Variants in ARL13B observed in about 807,000 individuals in gnomAD.
The protein encoded by ARL13B is ADP-ribosylation factor-like protein 13B.
Under a neutral mutation model 56.1 loss-of-function variants are expected in ARL13B, and 36 were observed. The observed-to-expected ratio is 0.64, with a 90% CI of 0.49 to 0.85. The LOEUF is 0.85. Among genes scored for constraint, ARL13B ranks in the 40% least tolerant of loss-of-function variants. ARL13B has a pLI of 0.00. For missense variants in ARL13B, 519 were observed against 507.1 expected (o/e 1.02, Z -0.23); for synonymous variants, 178 against 171.1 (o/e 1.04, Z -0.32).
chr3:94,045,263 G>A (rs896740039), intron 7 of ARL13B, among the ~76,000 whole-genome samples: 10 of 151,978 alleles, frequency 6.6e-5, no homozygotes, highest in South Asian at 2.1e-4. Context: ...ATTAAGAGTC[G>A]TCACCACTCC....
At chr3:94,053,053 G>C in intron 9 of ARL13B, 134 bp from the exon 10 acceptor site, 1 of 734,416 alleles carries the variant, frequency 1.4e-6, no homozygotes, top group East Asian at 2.7e-5. Flanking sequence ...CTTTTAGAGA[G>C]GCATGTCAAG....
intron 1 of ARL13B, among the ~76,000 whole-genome samples, chr3:93,991,808 T>C (rs1305715268): frequency 1.3e-5 from 2 of 152,262 alleles, no homozygotes; most frequent in African/African-American, 2.4e-5. Context: ...AGTATAAATT[T>C]AATGCTTTGT....
chr3:94,014,845 C>G, intron 3 of ARL13B: 1 of 1,614,002 alleles, frequency 6.2e-7, no homozygotes, highest in Non-Finnish European at 8.5e-7. Flanking sequence ...CTGAAAATGG[C>G]GGAACATTGC....
At chr3:93,990,788 T>A (rs947994494) in intron 1 of ARL13B, among the ~76,000 whole-genome samples, 1 of 152,210 alleles carries the variant, frequency 6.6e-6, no homozygotes, top group Non-Finnish European at 1.5e-5. Context: ...CAACTCATAA[T>A]GTGATTGGTA....
intron 1 of ARL13B, chr3:93,988,627 T>A: frequency 2.0e-6 from 1 of 493,806 alleles, no homozygotes; most frequent in South Asian, 1.5e-5. Flanking sequence ...ACATGGTATA[T>A]GATATTAATC....
At chr3:93,987,827 G>T (rs1394008439) in intron 1 of ARL13B, among the ~76,000 whole-genome samples, 2 of 150,806 alleles carry the variant, frequency 1.3e-5, no homozygotes, top group Non-Finnish European at 3.0e-5. Flanking sequence ...TTTTTAATTT[G>T]TAGAGACAAG....
intron 7 of ARL13B, among the ~76,000 whole-genome samples, chr3:94,049,193 C>T (rs1478748599): frequency 6.6e-6 from 1 of 152,048 alleles, no homozygotes. Flanking sequence ...TTATCATATT[C>T]ATTGCTCATT....
At chr3:93,981,886 A>AG (rs1553824452) in intron 1 of ARL13B, among the ~76,000 whole-genome samples, 6,089 of 145,956 alleles carry the variant, frequency 0.042, 244 homozygotes, top group African/African-American at 0.11. Flanking sequence ...AAAAAAAAAA[A>AG]AAAGAAAAAA....
In ARL13B at chr3:94,015,352, A is replaced by C. The variant is rs1021559615; in HGVS notation, c.380+11444A>C. The stretch of plus-strand genomic sequence containing the variant: ...TTTTTCCCCAGTAGCAGTTGACTTC[A>C]CATAACTGTCTATATCCCAGCAAAA... On this transcript the variant is annotated intron_variant, in intron 3 of 9. Coordinates refer to ENST00000394222, the MANE Select transcript of ARL13B (RefSeq NM_001174150.2). 3.3e-6 allele frequency: 4 copies of C among 1,224,920 alleles called. No homozygotes were observed. The African/African-American group carries it at 4.5e-5, about 14-fold the overall frequency. The allele number at this position is 1,224,920 out of a possible 1,614,324, so 75.9% of individuals were successfully genotyped here. A position where few individuals can be genotyped will look rare whatever the true frequency, so the allele number is the denominator to read the frequency against.
intron 3 of ARL13B, among the ~76,000 whole-genome samples, chr3:94,019,987 C>G (rs2076414702): frequency 6.6e-6 from 1 of 152,214 alleles, no homozygotes; most frequent in Non-Finnish European, 1.5e-5. Flanking sequence ...CTTCTTTCAA[C>G]TCTCTGACCC....
intron 1 of ARL13B, 58 bp downstream of exon 1, chr3:93,980,540 G>C (rs1710160605): frequency 1.3e-6 from 2 of 1,595,304 alleles, no homozygotes; most frequent in Non-Finnish European, 1.7e-6. Flanking sequence ...TGCGCCCCAG[G>C]GGCGAGGCGC....
Position 94,043,169 on chromosome 3 carries a change from A to G in ARL13B, c.953A>G (p.Glu318Gly). The change falls in exon 7 of 10, where the codon GAA (glutamate) becomes GGA (glycine). Residue 318 changes from glutamate to glycine, a missense_variant. Transcript: ENST00000394222. ...AAAAATAATGAATTTGGACTAGTAGAAAATTATAAGGAGGCATTAACACAG... is the reference window on the plus strand; with the variant it reads ...AAAAATAATGAATTTGGACTAGTAGGAAATTATAAGGAGGCATTAACACAG... ...GQKNNEFGLV[E>G]NYKEALTQQL... 2 of 1,613,734 alleles carry G rather than the reference A, an allele frequency of 1.2e-6. No individual in the cohort carries two copies. The highest frequency in any genetic ancestry group is 1.3e-5 in the African/African-American group (1 of 75,038).
chr3:94,043,089 T>C lies in ARL13B; in HGVS notation c.873T>C (p.His291=). 6.2e-7 allele frequency: 1 copy of C among 1,613,348 alleles called. No homozygotes were observed. The highest frequency in any genetic ancestry group is 1.1e-5 in the South Asian group (1 of 90,934). ...ACAGTGATGGCTGCCACCTGAAACA[T>C]AAAATGGAGCATGAGCAAATAGAGA... ...EKDSDGCHLK[H]KMEHEQIETQ... Residue 291 remains histidine (H), a synonymous_variant, in exon 7 of 10, where the codon CAT becomes CAC. Coordinates refer to ENST00000394222, the MANE Select transcript of ARL13B (RefSeq NM_001174150.2).
At chr3:94,025,467 T>G (rs188036197) in intron 3 of ARL13B, among the ~76,000 whole-genome samples, 8 of 152,328 alleles carry the variant, frequency 5.3e-5, no homozygotes, top group African/African-American at 1.9e-4. Context: ...AATATTTATG[T>G]GAAAGATCCT....
chr3:93,989,007 G>A (rs1335303826), intron 1 of ARL13B: 10 of 267,108 alleles, frequency 3.7e-5, no homozygotes, highest in Middle Eastern at 1.4e-3. Context: ...GAGCCTTCGC[G>A]AAGCTGGGCT....
rs1553824454 is a variant in ARL13B, at chr3:93,981,886, A to AAAAG, written c.59+1408_59+1411dup. 2.4e-3 allele frequency among the ~76,000 whole-genome samples: 353 copies of AAAAG among 147,180 alleles called. 2 individuals carry two copies. Among genetic ancestry groups the AAAAG allele is most frequent in the Middle Eastern group, 6.8e-3 (2 of 292 alleles). On this transcript the variant is annotated intron_variant, in intron 1 of 9. Coordinates refer to ENST00000394222, the MANE Select transcript of ARL13B (RefSeq NM_001174150.2). ...GTCTCAAAAAAAAAAAAAAAAAAAA[A>AAAAG]AAAGAAAAAAGTCAAAGAGTTGTTT...
At chr3:94,035,260 T>C in intron 3 of ARL13B, 71 bp from the exon 4 acceptor site, 1 of 921,040 alleles carries the variant, frequency 1.1e-6, no homozygotes, top group Admixed American at 2.4e-5. Flanking sequence ...AAAAAGAATG[T>C]GGTCAAAATA....
chr3:94,050,836 C>T lies in ARL13B; in HGVS notation c.1154C>T (p.Thr385Ile), dbSNP rs774627143. The part of the protein sequence containing the change: ...PPPPPPVGWG[T>I]PKVTRLPKLE... ...TCTTTTTCTTTAGTTGGCTGGGGAA[C>T]CCCTAAAGTCACTAGACTTCCAAAA... The change falls in exon 9 of 10, where the codon ACC becomes ATC. Residue 385 changes from threonine to isoleucine, a missense_variant. Thr to Ile is a moderately conservative substitution (Grantham distance 89, BLOSUM62 -1). Transcript: ENST00000394222. 3.7e-6 allele frequency: 6 copies of T among 1,612,456 alleles called. No homozygotes were observed. Among genetic ancestry groups the T allele is most frequent in the Admixed American group, 1.7e-5 (1 of 59,996 alleles).
intron 1 of ARL13B, among the ~76,000 whole-genome samples, chr3:93,980,781 GTGTGTT>G (rs930916122): frequency 6.6e-6 from 1 of 151,820 alleles, no homozygotes; most frequent in African/African-American, 2.4e-5. Context: ...ACTATCCATT[GTGTGTT>G]TTTCCTCTGA....
Sources: allele counts gnomAD v4.1 joint callset (sites outside exome capture counted in the v4.1 genomes callset), GRCh38; gene constraint gnomAD v4.1.1; transcripts MANE v1.5; gene names NCBI Gene and HGNC (gene_info 2026-07-23, HGNC 2026-07-21).